Variants in URB2 observed in about 807,000 individuals in gnomAD.
The protein encoded by URB2 is URB2 ribosome biogenesis homolog.
URB2 carries 86 observed loss-of-function variants against 120.9 expected under a neutral mutation model. The observed-to-expected ratio is 0.71, with a 90% confidence interval of 0.60 to 0.85. The LOEUF is 0.85. Ranked by LOEUF, URB2 falls within the 40% of genes least tolerant of loss-of-function variation. URB2 has a pLI of 0.00. For synonymous variants in URB2, 755 were observed against 758.4 expected, an observed-to-expected ratio of 1.00 and a Z score of 0.07; for missense variants, 1,765 against 1,836.5, an observed-to-expected ratio of 0.96 and a Z score of 0.71.
chr1:229,628,181 A>AC lies in URB2; in HGVS notation c.126+422_126+423insC, dbSNP rs371268510. On this transcript the variant is annotated intron_variant, in intron 2 of 9. Transcript: ENST00000258243. ...GTATATGTATAGTATATATGTATAT[A>AC]ATATATATAATATATATGTATATAT... Among the ~76,000 whole-genome samples, 41 of 70,724 alleles carry AC rather than the reference A, an allele frequency of 5.8e-4. No homozygotes were observed. In the South Asian group the frequency reaches 6.0e-3, roughly 10 times the overall value. 46.4% of individuals were successfully genotyped at this position (70,724 alleles called of 152,430 possible).
rs145185525 is a variant in URB2 at position 229,633,412 on chromosome 1, A to G, written c.303+967A>G. On this transcript the variant is annotated intron_variant, in intron 3 of 9. Coordinates refer to ENST00000258243, the MANE Select transcript of URB2 (RefSeq NM_014777.4). ...ATTTTTATGTATGCTTCATAATTAT[A>G]TAAAATGTTAGTGCTGCAGCATATG... Among the ~76,000 whole-genome samples, 95 of 152,360 alleles carry G rather than the reference A, an allele frequency of 6.2e-4. 1 individual carries two copies. Among genetic ancestry groups the G allele is most frequent in the African/African-American group, 2.2e-3 (93 of 41,582 alleles).
chr1:229,632,207 T>A, intron 2 of URB2, 62 bp from the exon 3 acceptor site: 6 of 1,382,354 alleles, frequency 4.3e-6, no homozygotes, highest in Middle Eastern at 2.1e-4. Context: ...GTCCCTATAA[T>A]GTCTAACATC....
In URB2 at chr1:229,637,633, A is replaced by C. The variant is rs1349322693; in HGVS notation, c.3020A>C (p.Glu1007Ala). ...FLQVIGTFLEELMQMLIQMKL... is the reference protein window; with the variant it reads ...FLQVIGTFLEALMQMLIQMKL... Reference sequence around the variant, plus strand: ...CAAGTGATAGGGACGTTCTTAGAGGAGCTAATGCAGATGCTCATCCAAATG... The same window carrying C: ...CAAGTGATAGGGACGTTCTTAGAGGCGCTAATGCAGATGCTCATCCAAATG... The change falls in exon 4 of 10, where the codon GAG becomes GCG. Residue 1007 changes from glutamate to alanine, a missense_variant. Physicochemically the swap from Glu to Ala is moderately radical, Grantham distance 107. Coordinates refer to ENST00000258243, the MANE Select transcript of URB2 (RefSeq NM_014777.4). The C allele has an allele frequency of 6.2e-7, 1 of 1,614,102 alleles. No homozygotes were observed. The highest frequency in any genetic ancestry group is 2.2e-5 in the East Asian group (1 of 44,900).
chr1:229,651,385 C>A, intron 8 of URB2, 63 bp downstream of exon 8: 1 of 1,406,318 alleles, frequency 7.1e-7, no homozygotes, highest in Non-Finnish European at 9.6e-7. Context: ...GGCTGCTGGC[C>A]ACATATGTTA....
Position 229,643,671 on chromosome 1 carries a change from A to C in URB2, c.3773A>C (p.Asn1258Thr). ...ATTCTCCAGGGACTGGATGTCAGTAACATGTGGAAAGCAGATGTGCAGGTG... is the reference window on the plus strand; with the variant it reads ...ATTCTCCAGGGACTGGATGTCAGTACCATGTGGAAAGCAGATGTGCAGGTG... ...QCILQGLDVS[N>T]MWKADVQAVV... Residue 1258 changes from asparagine (N) to threonine (T), a missense_variant, in exon 5 of 10, where the codon AAC becomes ACC. Transcript: ENST00000258243. The C allele has an allele frequency of 6.2e-7, 1 of 1,614,030 alleles. No homozygotes were observed. Among genetic ancestry groups the C allele is most frequent in the Middle Eastern group, 1.7e-4 (1 of 6,004 alleles).
chr1:229,635,708 C>T lies in URB2; in HGVS notation c.1095C>T (p.Asn365=). The change falls in exon 4 of 10, where the codon AAC becomes AAT. Residue 365 remains asparagine (N), a synonymous_variant. Coordinates refer to ENST00000258243, the MANE Select transcript of URB2 (RefSeq NM_014777.4). The stretch of plus-strand genomic sequence containing the variant: ...TTTTGGTTGTGGAACAGCTACTAAA[C>T]TCAGTGGCCAACAACAATATCTACA... ...TELLVVEQLL[N]SVANNNIYNI... The T allele has an allele frequency of 2.5e-6, 4 of 1,614,188 alleles. No individual in the cohort carries two copies. The South Asian group carries it at 3.3e-5, about 13-fold the overall frequency.
In URB2 at chr1:229,637,333, A is replaced by G. The variant is rs1665866953; in HGVS notation, c.2720A>G (p.Asp907Gly). 1 of 1,614,072 alleles carries G rather than the reference A, an allele frequency of 6.2e-7. No homozygotes were observed. Among genetic ancestry groups the G allele is most frequent in the African/African-American group, 1.3e-5 (1 of 74,920 alleles). Residue 907 changes from aspartate to glycine, a missense_variant, in exon 4 of 10, where the codon GAC (aspartate) becomes GGC (glycine). Asp to Gly is a moderately conservative substitution (Grantham distance 94). Coordinates refer to ENST00000258243, the MANE Select transcript of URB2 (RefSeq NM_014777.4). ...GAAGTGATTTCTGCCTTACAGCTGG[A>G]CAGCCTCTTGCCACCCTATCATGTG... ...LLEVISALQL[D>G]SLLPPYHVHY...
rs749152422 is a variant in URB2, at chr1:229,638,039, A to G, written c.3426A>G (p.Gly1142=). ...ATGGAGGGGCCGACATTTCCCAAGG[A>G]AGCGACAGGACGCTGCTCTCCCATG... ...CRDGGADISQ[G]SDRTLLSHVA... The change falls in exon 4 of 10, where the codon GGA becomes GGG. Residue 1142 remains glycine, a synonymous_variant. Coordinates refer to ENST00000258243, the MANE Select transcript of URB2 (RefSeq NM_014777.4). The G allele has an allele frequency of 1.9e-6, 3 of 1,613,422 alleles. No individual in the cohort carries two copies. Among genetic ancestry groups the G allele is most frequent in the Non-Finnish European group, 2.5e-6 (3 of 1,179,560 alleles).
chr1:229,639,201 G>T (rs1665939081), intron 4 of URB2, among the ~76,000 whole-genome samples: 2 of 152,126 alleles, frequency 1.3e-5, no homozygotes, highest in South Asian at 4.2e-4. Flanking sequence ...AGGTTGAAGT[G>T]GGAGGATCAC....
rs889115650 is a variant in URB2 at position 229,636,759 on chromosome 1, A to C, written c.2146A>C (p.Asn716His). The C allele has an allele frequency of 2.2e-5, 35 of 1,612,426 alleles. No homozygotes were observed. Among genetic ancestry groups the C allele is most frequent in the Non-Finnish European group, 2.9e-5 (34 of 1,178,862 alleles). Residue 716 changes from asparagine to histidine, a missense_variant, in exon 4 of 10, where the codon AAT becomes CAT. Asn to His is a moderately conservative substitution (Grantham distance 68, BLOSUM62 1). Transcript: ENST00000258243. The stretch of plus-strand genomic sequence containing the variant: ...TATTGGTTCCGGCAGAAAAAGCTTG[A>C]ATCAGAGAACGACGGCTTCCTGGGA... ...FIIGSGRKSLNQRTTASWDGQ... is the reference protein window; with the variant it reads ...FIIGSGRKSLHQRTTASWDGQ...
In URB2 at chr1:229,659,222, C is replaced by T; in HGVS notation, c.4500C>T (p.Ile1500=). The T allele has an allele frequency of 6.2e-7, 1 of 1,614,014 alleles. No homozygotes were observed. Among genetic ancestry groups the T allele is most frequent in the Non-Finnish European group, 8.5e-7 (1 of 1,180,038 alleles). ...RASLQPGMRD[I]FKELYNDYLK... is the part of the protein sequence containing the mutation. ...CGCTGCAGCCGGGAATGAGAGACAT[C>T]TTTAAGGAGCTCTATAATGACTATC... Residue 1500 remains isoleucine, a synonymous_variant, in exon 10 of 10, where the codon ATC becomes ATT. Transcript: ENST00000258243.
intron 1 of URB2, among the ~76,000 whole-genome samples, chr1:229,627,276 G>A (rs1257003371): frequency 6.6e-6 from 1 of 152,202 alleles, no homozygotes; most frequent in Non-Finnish European, 1.5e-5. Context: ...ATGTATGAAT[G>A]ACTCTTTCCA....
Position 229,638,086 on chromosome 1 carries a change from ACT to A in URB2, c.3477_3478del (p.Gln1160AspfsTer12), listed in dbSNP as rs1272952305. 1 of 1,614,008 alleles carries A rather than the reference ACT, an allele frequency of 6.2e-7. No individual in the cohort carries two copies. The highest frequency in any genetic ancestry group is 1.7e-5 in the Admixed American group (1 of 60,006). ...CATGTTGCCCTCTACCAGGGTGTTT[ACT>A]CTCAGATACTGTTGGAGTTGCCAGC... On this transcript the variant is annotated frameshift_variant, in exon 4 of 10. Coordinates refer to ENST00000258243, the MANE Select transcript of URB2 (RefSeq NM_014777.4). LOFTEE classifies it high-confidence loss of function.
At chr1:229,629,410 T>C (rs1665607780) in intron 2 of URB2, among the ~76,000 whole-genome samples, 1 of 152,234 alleles carries the variant, frequency 6.6e-6, no homozygotes, top group Admixed American at 6.5e-5. Context: ...ACTTGGTACA[T>C]GCATATCTCA....
At chr1:229,629,762 C>A (rs1665614915) in intron 2 of URB2, among the ~76,000 whole-genome samples, 1 of 152,146 alleles carries the variant, frequency 6.6e-6, no homozygotes, top group African/African-American at 2.4e-5. Context: ...TGGAGCTTTT[C>A]CTTTCATGAA....
In URB2 at chr1:229,637,459, T is replaced by C; in HGVS notation, c.2846T>C (p.Leu949Pro). ...LKFLTTCYQL[L>P]GYLQKGKSAR... ...TTCTTGACGACTTGCTACCAACTTCTTGGTTACTTGCAAAAGGGGAAAAGT... is the reference window on the plus strand; with the variant it reads ...TTCTTGACGACTTGCTACCAACTTCCTGGTTACTTGCAAAAGGGGAAAAGT... Residue 949 changes from leucine to proline, a missense_variant, in exon 4 of 10, where the codon CTT becomes CCT. By Grantham distance (98) the Leu-to-Pro change is moderately conservative. Transcript: ENST00000258243. 1 of 1,614,168 alleles carries C rather than the reference T, an allele frequency of 6.2e-7. No homozygotes were observed. The highest frequency in any genetic ancestry group is 8.5e-7 in the Non-Finnish European group (1 of 1,180,032).
intron 8 of URB2, 45 bp downstream of exon 8, chr1:229,651,367 T>A (rs770223637): frequency 1.3e-6 from 2 of 1,560,020 alleles, no homozygotes; most frequent in Non-Finnish European, 8.7e-7. Flanking sequence ...ATATTCATCA[T>A]GAGGTGTGGC....
At chr1:229,629,757 C>T (rs1230369230) in intron 2 of URB2, among the ~76,000 whole-genome samples, 1 of 152,124 alleles carries the variant, frequency 6.6e-6, no homozygotes, top group African/African-American at 2.4e-5. Context: ...ATTGATGGAG[C>T]TTTTCCTTTC....
chr1:229,629,850 G>A (rs1161046943), intron 2 of URB2, among the ~76,000 whole-genome samples: 1 of 152,344 alleles, frequency 6.6e-6, no homozygotes, highest in East Asian at 1.9e-4. Context: ...TATCAACTAA[G>A]TTTAAGTTCT....
Sources: gnomAD v4.1 joint callset for allele counts (sites outside exome capture counted in the v4.1 genomes callset) on GRCh38, gnomAD v4.1.1 for gene constraint, MANE v1.5 for transcripts, NCBI Gene and HGNC (gene_info 2026-07-23, HGNC 2026-07-21) for gene names.